The following CACNA2D3 variants were observed in gnomAD, a reference collection of about 807,000 sequenced individuals.
CACNA2D3 encodes the protein calcium voltage-gated channel auxiliary subunit alpha2delta 3, also known as voltage-dependent calcium channel subunit alpha-2/delta-3.
In CACNA2D3, 60 loss-of-function variants were observed where a neutral mutation model predicts 160.6. That is an observed-to-expected ratio of 0.37 (90% CI 0.30 to 0.46). The LOEUF is 0.46. Among genes scored for constraint, CACNA2D3 ranks in the 20% least tolerant of loss-of-function variants. CACNA2D3 has a pLI of 1.00. For missense variants in CACNA2D3, 1,205 were observed against 1,365.0 expected (o/e 0.88, Z 1.85); for synonymous variants, 558 against 492.9 (o/e 1.13, Z -1.75).
At chr3:54,604,739 A>G (rs948045358) in intron 9 of CACNA2D3, among the ~76,000 whole-genome samples, 1 of 152,072 alleles carries the variant, frequency 6.6e-6, no homozygotes, top group Non-Finnish European at 1.5e-5. Context: ...AGGTTGTCCT[A>G]CCTTTGCCTT....
At chr3:54,438,602 G>A (rs767339353) in intron 4 of CACNA2D3, among the ~76,000 whole-genome samples, 1 of 152,146 alleles carries the variant, frequency 6.6e-6, no homozygotes, top group Non-Finnish European at 1.5e-5. Flanking sequence ...AGCATATAAG[G>A]TGGCCTGTCT....
chr3:55,065,555 T>A (rs1233563601), intron 35 of CACNA2D3, among the ~76,000 whole-genome samples: 2 of 152,092 alleles, frequency 1.3e-5, no homozygotes, highest in Non-Finnish European at 2.9e-5. Flanking sequence ...TGGTCCCAGC[T>A]CCTTGGGAGA....
chr3:54,786,379 T>C (rs544730386), intron 13 of CACNA2D3, among the ~76,000 whole-genome samples: 3 of 152,352 alleles, frequency 2.0e-5, no homozygotes, highest in East Asian at 3.9e-4. Flanking sequence ...ACTCTTGTTA[T>C]AGTTGAATCT....
chr3:54,304,084 T>C (rs1703542340), intron 2 of CACNA2D3, among the ~76,000 whole-genome samples: 1 of 152,140 alleles, frequency 6.6e-6, no homozygotes, highest in Non-Finnish European at 1.5e-5. Flanking sequence ...TGGCGGGGCC[T>C]GCTCTGTACT....
chr3:54,364,396 G>A (rs1306697149), intron 3 of CACNA2D3, among the ~76,000 whole-genome samples: 3 of 152,188 alleles, frequency 2.0e-5, no homozygotes. Flanking sequence ...TAATTTGATA[G>A]TTTGAAAAAT....
intron 13 of CACNA2D3, among the ~76,000 whole-genome samples, chr3:54,811,136 A>G (rs965175418): frequency 2.6e-5 from 4 of 152,174 alleles, no homozygotes; most frequent in Non-Finnish European, 5.9e-5. Context: ...CATGAGCTTC[A>G]TATTTCCAGC....
intron 17 of CACNA2D3, among the ~76,000 whole-genome samples, chr3:54,854,160 A>G (rs921248467): frequency 1.3e-5 from 2 of 152,212 alleles, no homozygotes; most frequent in African/African-American, 4.8e-5. Flanking sequence ...TAGTAAGTGT[A>G]TCTGCTCAGA....
chr3:54,509,481 G>T (rs1433240530), intron 5 of CACNA2D3, among the ~76,000 whole-genome samples: 7 of 152,134 alleles, frequency 4.6e-5, no homozygotes, highest in Admixed American at 2.6e-4. Context: ...AGCCCTAATG[G>T]AATGTGATGA....
intron 35 of CACNA2D3, among the ~76,000 whole-genome samples, chr3:55,055,120 A>G (rs1337270244): frequency 6.6e-6 from 1 of 152,096 alleles, no homozygotes; most frequent in African/African-American, 2.4e-5. Context: ...GTCAAATCCA[A>G]AGAATCATTG....
chr3:54,940,182 C>A (rs1008172241), intron 27 of CACNA2D3, among the ~76,000 whole-genome samples: 1 of 152,156 alleles, frequency 6.6e-6, no homozygotes, highest in Non-Finnish European at 1.5e-5. Flanking sequence ...TGCCTGGAGA[C>A]AGATTAGCTA....
At chr3:54,714,125 T>G (rs1359072954) in intron 11 of CACNA2D3, among the ~76,000 whole-genome samples, 1 of 152,140 alleles carries the variant, frequency 6.6e-6, no homozygotes, top group East Asian at 1.9e-4. Flanking sequence ...TGTCTTGGGT[T>G]GTTTTCATCC....
chr3:54,742,502 C>T (rs1701672702), intron 11 of CACNA2D3, among the ~76,000 whole-genome samples: 1 of 152,160 alleles, frequency 6.6e-6, no homozygotes, highest in South Asian at 2.1e-4. Context: ...CTCAGATTCT[C>T]AATATGGGGG....
At chr3:54,371,018 C>G (rs987580268) in intron 3 of CACNA2D3, among the ~76,000 whole-genome samples, 1 of 152,104 alleles carries the variant, frequency 6.6e-6, no homozygotes, top group Non-Finnish European at 1.5e-5. Flanking sequence ...CTGAGCCTAC[C>G]GTTTTCAAGA....
chr3:54,311,160 C>T (rs1038736547), intron 2 of CACNA2D3, among the ~76,000 whole-genome samples: 12 of 152,172 alleles, frequency 7.9e-5, no homozygotes, highest in Admixed American at 3.3e-4. Flanking sequence ...CTGGGCCCAT[C>T]GTGGTCAGCT....
rs537953651 is a variant in CACNA2D3, at chr3:54,890,490, C to T, written c.2151-865C>T. Among the ~76,000 whole-genome samples the T allele has an allele frequency of 4.3e-4, 52 of 120,784 alleles. 1 individual carries two copies. In the South Asian group the frequency reaches 0.011, roughly 25 times the overall value. The allele number at this position is 120,784 out of a possible 152,430, so 79.2% of individuals were successfully genotyped here. On this transcript the variant is annotated intron_variant, in intron 24 of 37. Transcript: ENST00000474759. Reference sequence around the variant, plus strand: ...CAGCCTGGGTGACAGAGCCAGACTCCGTCTCAAAAAAAAAAAAAAAAAAAG... The same window carrying T: ...CAGCCTGGGTGACAGAGCCAGACTCTGTCTCAAAAAAAAAAAAAAAAAAAG...
intron 31 of CACNA2D3, among the ~76,000 whole-genome samples, chr3:54,992,936 C>T (rs1403520811): frequency 2.6e-5 from 4 of 152,134 alleles, no homozygotes; most frequent in Non-Finnish European, 4.4e-5. Context: ...GAGAAGCAGG[C>T]ATGTCTTCAC....
intron 5 of CACNA2D3, among the ~76,000 whole-genome samples, chr3:54,525,822 C>T (rs1335634720): frequency 1.4e-4 from 21 of 150,752 alleles, no homozygotes; most frequent in South Asian, 2.1e-4. Context: ...TATCTGTTTG[C>T]GTTTATATGA....
At chr3:54,533,796 TGTGTGTG>T (rs1162741087) in intron 5 of CACNA2D3, among the ~76,000 whole-genome samples, 3 of 336 alleles carry the variant, frequency 8.9e-3, no homozygotes, top group African/African-American at 0.017. Flanking sequence ...TGGAAAATAG[TGTGTGTG>T]TGTGTGTGTG....
rs770633385 is a variant in CACNA2D3, at chr3:54,862,397, ACACACACG to A, written c.1627-9134_1627-9127del. 1.8e-4 allele frequency among the ~76,000 whole-genome samples: 28 copies of A among 151,994 alleles called. No individual in the cohort carries two copies. In the South Asian group the frequency reaches 2.9e-3, roughly 16 times the overall value. On this transcript the variant is annotated intron_variant, in intron 17 of 37. Transcript: ENST00000474759. Reference sequence around the variant, plus strand: ...TAAAATTACACACACACACACACACACACACACGCACACACACGCACACGTGATGAAGG... The same window carrying A: ...TAAAATTACACACACACACACACACACACACACACGCACACGTGATGAAGG...
Sources: gnomAD v4.1 joint callset for allele counts (sites outside exome capture counted in the v4.1 genomes callset) on GRCh38, gnomAD v4.1.1 for gene constraint, MANE v1.5 for transcripts, NCBI Gene and HGNC (gene_info 2026-07-23, HGNC 2026-07-21) for gene names.